The following RFX4 variants were observed in gnomAD, a reference collection of about 807,000 sequenced individuals.
RFX4 encodes transcription factor RFX4.
RFX4 carries 10 observed loss-of-function variants against 95.0 expected under a neutral mutation model. That is an observed-to-expected ratio of 0.11 (90% confidence interval 0.06 to 0.18). The LOEUF (loss-of-function observed/expected upper bound fraction) is 0.18, where lower values mean the gene tolerates loss of function less well. Ranked by LOEUF, RFX4 falls within the 10% of genes least tolerant of loss-of-function variation. The probability of loss-of-function intolerance (pLI) is 1.00; values close to 1 mark genes in which losing one functional copy is unlikely to be tolerated. For synonymous variants in RFX4, 321 were observed against 340.7 expected (o/e 0.94, Z 0.64); for missense variants, 640 against 922.0 (o/e 0.69, Z 3.96).
At chr12:106,704,830 T>C (rs531860506) in intron 8 of RFX4, among the ~76,000 whole-genome samples, 1 of 151,918 alleles carries the variant, frequency 6.6e-6, no homozygotes, top group East Asian at 1.9e-4. Flanking sequence ...TGTGTGTGCA[T>C]GTGTGTGTGT....
At chr12:106,667,425 C>T (rs2041198863) in intron 4 of RFX4, among the ~76,000 whole-genome samples, 1 of 152,160 alleles carries the variant, frequency 6.6e-6, no homozygotes, top group African/African-American at 2.4e-5. Context: ...TACTCCTTCC[C>T]CTGCCGGAAG....
chr12:106,685,670 A>G (rs1042903350), intron 5 of RFX4, among the ~76,000 whole-genome samples: 1 of 152,246 alleles, frequency 6.6e-6, no homozygotes, highest in Non-Finnish European at 1.5e-5. Context: ...ATCAAAGTTT[A>G]TAAGACTATC....
At chr12:106,667,263 A>G (rs549215608) in intron 4 of RFX4, among the ~76,000 whole-genome samples, 2 of 152,264 alleles carry the variant, frequency 1.3e-5, no homozygotes, top group South Asian at 4.1e-4. Flanking sequence ...ATGGAAGGCT[A>G]GAGCTGACTG....
At chr12:106,621,984 G>T (rs561005856) in intron 2 of RFX4, among the ~76,000 whole-genome samples, 2 of 152,030 alleles carry the variant, frequency 1.3e-5, no homozygotes, top group Non-Finnish European at 2.9e-5. Flanking sequence ...TTACAATTTG[G>T]TGGGTGAGTT....
chr12:106,696,280 C>T lies in RFX4; in HGVS notation c.670-3C>T, dbSNP rs2041878234. Reference sequence around the variant, plus strand: ...TGATTCTTCTCTCTGTGGGTCAATACAGGTTCAAAGTTTCCTTCTGCACTT... The same window carrying T: ...TGATTCTTCTCTCTGTGGGTCAATATAGGTTCAAAGTTTCCTTCTGCACTT... On this transcript the variant is annotated splice_region_variant and splice_polypyrimidine_tract_variant and intron_variant, in intron 7 of 17. Coordinates refer to ENST00000392842, the MANE Select transcript of RFX4 (RefSeq NM_213594.3). The T allele has an allele frequency of 1.2e-6, 2 of 1,614,152 alleles. No individual in the cohort carries two copies. The highest frequency in any genetic ancestry group is 1.7e-6 in the Non-Finnish European group (2 of 1,179,978).
At chr12:106,633,654 C>T (rs1240477747) in intron 2 of RFX4, among the ~76,000 whole-genome samples, 2 of 152,098 alleles carry the variant, frequency 1.3e-5, no homozygotes, top group African/African-American at 4.8e-5. Flanking sequence ...CAGTTGGGGG[C>T]AATGCTGGAA....
intron 4 of RFX4, among the ~76,000 whole-genome samples, chr12:106,678,722 A>G (rs889215805): frequency 2.0e-5 from 3 of 152,226 alleles, no homozygotes; most frequent in Non-Finnish European, 4.4e-5. Context: ...ATTTTTACAA[A>G]CAATTCTCTG....
At chr12:106,740,886 C>T (rs906088421) in intron 15 of RFX4, among the ~76,000 whole-genome samples, 2 of 152,016 alleles carry the variant, frequency 1.3e-5, no homozygotes, top group Non-Finnish European at 2.9e-5. Flanking sequence ...ATAGAGGTTG[C>T]GGAGGGAAAA....
chr12:106,669,222 G>A (rs1332240643), intron 4 of RFX4, among the ~76,000 whole-genome samples: 2 of 152,186 alleles, frequency 1.3e-5, no homozygotes, highest in African/African-American at 4.8e-5. Flanking sequence ...TTGGTGGCAG[G>A]TCTCCCCCTC....
At chr12:106,695,624 A>G (rs1042137006) in intron 7 of RFX4, among the ~76,000 whole-genome samples, 1 of 152,208 alleles carries the variant, frequency 6.6e-6, no homozygotes, top group African/African-American at 2.4e-5. Flanking sequence ...TTAAAAAGTC[A>G]GTCACACACA....
intron 3 of RFX4, among the ~76,000 whole-genome samples, chr12:106,648,402 G>A (rs942831233): frequency 5.3e-5 from 8 of 152,074 alleles, no homozygotes; most frequent in African/African-American, 1.2e-4. Context: ...TGGATGCCAC[G>A]GTCAGGAATC....
chr12:106,675,481 T>C (rs2041373286), intron 4 of RFX4, among the ~76,000 whole-genome samples: 1 of 152,012 alleles, frequency 6.6e-6, no homozygotes, highest in African/African-American at 2.4e-5. Flanking sequence ...AGAGGGTACA[T>C]TTTAAGTGTT....
rs1330464817 is a variant in RFX4, at chr12:106,589,133, T to C, written c.43+5770T>C. On this transcript the variant is annotated intron_variant, in intron 1 of 17. Transcript: ENST00000392842. ...ATGTTGTTTTTAACCTCTTCCACTC[T>C]ATTTTAGATATTTGCAATTTTATTA... Among the ~76,000 whole-genome samples the C allele has an allele frequency of 3.9e-5, 6 of 152,172 alleles. No individual in the cohort carries two copies. In the South Asian group the frequency reaches 1.2e-3, roughly 32 times the overall value.
chr12:106,604,107 T>TTC (rs1285471874), intron 1 of RFX4, among the ~76,000 whole-genome samples: 18 of 146,864 alleles, frequency 1.2e-4, no homozygotes, highest in Admixed American at 5.5e-4. Context: ...TCACTACAGC[T>TTC]TCTCTCTCTT....
intron 2 of RFX4, among the ~76,000 whole-genome samples, chr12:106,622,979 G>A (rs1018183715): frequency 2.0e-5 from 3 of 151,270 alleles, no homozygotes; most frequent in African/African-American, 7.3e-5. Context: ...CACATAGCTG[G>A]TAAGTGGTAG....
chr12:106,680,515 A>T (rs1039229006), intron 4 of RFX4, among the ~76,000 whole-genome samples: 1 of 152,242 alleles, frequency 6.6e-6, no homozygotes, highest in African/African-American at 2.4e-5. Context: ...GAGTAAATCA[A>T]TCAGTGAGAG....
intron 3 of RFX4, among the ~76,000 whole-genome samples, chr12:106,642,396 G>T (rs982210872): frequency 6.6e-6 from 1 of 151,812 alleles, no homozygotes; most frequent in Admixed American, 6.6e-5. Flanking sequence ...TGGGAGGATC[G>T]CTTGAAGCCA....
intron 8 of RFX4, among the ~76,000 whole-genome samples, chr12:106,697,384 C>T (rs1341280202): frequency 6.6e-6 from 1 of 151,238 alleles, no homozygotes; most frequent in Admixed American, 6.6e-5. Flanking sequence ...AGTCAATTCT[C>T]TTGATATGTC....
At chr12:106,622,577 C>T (rs2040206572) in intron 2 of RFX4, among the ~76,000 whole-genome samples, 1 of 150,932 alleles carries the variant, frequency 6.6e-6, no homozygotes. Context: ...CTCAAGCATA[C>T]TTGCATTCAA....
Sources: gnomAD v4.1 joint callset for allele counts (sites outside exome capture counted in the v4.1 genomes callset) on GRCh38, gnomAD v4.1.1 for gene constraint, MANE v1.5 for transcripts, NCBI Gene and HGNC (gene_info 2026-07-23, HGNC 2026-07-21) for gene names.